Variants in GNPAT observed in about 807,000 individuals in gnomAD.
The protein encoded by GNPAT is dihydroxyacetone phosphate acyltransferase.
GNPAT carries 30 observed loss-of-function variants against 78.4 expected under a neutral mutation model. The ratio of observed to expected loss-of-function variants is 0.38; its 90% CI spans 0.29 to 0.52. The LOEUF (loss-of-function observed/expected upper bound fraction) is 0.52. Among genes scored for constraint, GNPAT ranks in the 20% least tolerant of loss-of-function variants. The pLI is 0.84. For missense variants in GNPAT, 714 were observed against 812.2 expected, an observed-to-expected ratio of 0.88 and a Z score of 1.47; for synonymous variants, 271 against 281.1, an observed-to-expected ratio of 0.96 and a Z score of 0.36.
In GNPAT at chr1:231,265,358, A is replaced by G; in HGVS notation, c.634A>G (p.Thr212Ala). Residue 212 changes from threonine to alanine, a missense_variant, in exon 5 of 16, where the codon ACC becomes GCC. Coordinates refer to ENST00000366647, the MANE Select transcript of GNPAT (RefSeq NM_014236.4). Reference sequence around the variant, plus strand: ...GTCGGGTGCCTTTTTCATGCGGCGTACCTTTGGTGGCAATAAACTCTACTG... The same window carrying G: ...GTCGGGTGCCTTTTTCATGCGGCGTGCCTTTGGTGGCAATAAACTCTACTG... The part of the protein sequence containing the change: ...RMSGAFFMRR[T>A]FGGNKLYWAV... 1 of 1,610,392 alleles carries G rather than the reference A, an allele frequency of 6.2e-7. No individual in the cohort carries two copies. The highest frequency in any genetic ancestry group is 1.1e-5 in the South Asian group (1 of 90,996).
intron 11 of GNPAT, among the ~76,000 whole-genome samples, chr1:231,273,132 G>A (rs1685612998): frequency 6.6e-6 from 1 of 152,152 alleles, no homozygotes; most frequent in Non-Finnish European, 1.5e-5. Context: ...TCGCAGAGCT[G>A]GACTGCTGCT....
At chr1:231,268,371 C>T (rs766479559) in intron 9 of GNPAT, among the ~76,000 whole-genome samples, 2 of 152,126 alleles carry the variant, frequency 1.3e-5, no homozygotes, top group African/African-American at 2.4e-5. Flanking sequence ...GAACACAGCA[C>T]GTTGATTATT....
chr1:231,241,314 C>T lies in GNPAT; in HGVS notation c.-65C>T. ...GCCGTCCTGAGCGAAAGAACCGCCC[C>T]CAGCAGGAGCACCACCACGGCTTAG... On this transcript the variant is annotated 5_prime_UTR_variant, in exon 1 of 16. Coordinates refer to ENST00000366647, the MANE Select transcript of GNPAT (RefSeq NM_014236.4). 6.9e-7 allele frequency: 1 copy of T among 1,458,226 alleles called. No individual in the cohort carries two copies. The highest frequency in any genetic ancestry group is 1.1e-5 in the South Asian group (1 of 88,050). The allele number at this position is 1,458,226 out of a possible 1,614,324, so 90.3% of individuals were successfully genotyped here. A position where few individuals can be genotyped will look rare whatever the true frequency, so the allele number is the denominator to read the frequency against.
chr1:231,255,746 A>G (rs913744237), intron 2 of GNPAT, among the ~76,000 whole-genome samples: 6 of 152,072 alleles, frequency 3.9e-5, no homozygotes, highest in Non-Finnish European at 8.8e-5. Context: ...AAAATTGGCC[A>G]CGTTGTCCAT....
intron 1 of GNPAT, among the ~76,000 whole-genome samples, chr1:231,246,549 CTAAG>C (rs1428656906): frequency 6.6e-5 from 10 of 152,308 alleles, no homozygotes; most frequent in African/African-American, 2.2e-4. Context: ...GCCTGCTCTA[CTAAG>C]TAAGATGGGG....
intron 2 of GNPAT, among the ~76,000 whole-genome samples, chr1:231,254,387 C>T (rs1392783151): frequency 1.3e-5 from 2 of 152,188 alleles, no homozygotes; most frequent in Non-Finnish European, 2.9e-5. Context: ...GAACTTCCAG[C>T]CCTGCCTCCT....
intron 4 of GNPAT, 66 bp downstream of exon 4, chr1:231,262,918 T>C: frequency 1.7e-6 from 2 of 1,195,804 alleles, no homozygotes; most frequent in South Asian, 1.2e-5. Context: ...ATTCTAGCAG[T>C]ACTGAGGTAT....
rs1257009782 is a variant in GNPAT, at chr1:231,275,248, G to C, written c.1771G>C (p.Glu591Gln). The change falls in exon 13 of 16, where the codon GAA (glutamate) becomes CAA (glutamine). Residue 591 changes from glutamate (E) to glutamine (Q), a missense_variant. Transcript: ENST00000366647. ...QIICKYLLSE[E>Q]EDHFSEEQYL... ...AATTTGCAAGTACCTTTTGAGTGAA[G>C]AAGAGGACCACTTCAGTGAGGAACA... The C allele has an allele frequency of 2.5e-6, 4 of 1,610,246 alleles. No individual in the cohort carries two copies. Among genetic ancestry groups the C allele is most frequent in the Non-Finnish European group, 3.4e-6 (4 of 1,176,522 alleles).
chr1:231,272,671 G>A (rs1157864386), intron 11 of GNPAT, among the ~76,000 whole-genome samples: 1 of 152,112 alleles, frequency 6.6e-6, no homozygotes. Flanking sequence ...TTTAGTAAAC[G>A]TTTAAAAATC....
intron 3 of GNPAT, among the ~76,000 whole-genome samples, chr1:231,261,654 A>G (rs1313583060): frequency 1.3e-5 from 2 of 152,174 alleles, no homozygotes; most frequent in African/African-American, 2.4e-5. Flanking sequence ...GTTTTGCATC[A>G]TACTTTACCC....
intron 3 of GNPAT, among the ~76,000 whole-genome samples, chr1:231,262,044 A>G (rs1390559751): frequency 6.6e-6 from 1 of 152,332 alleles, no homozygotes; most frequent in South Asian, 2.1e-4. Flanking sequence ...TTAGATTTCA[A>G]AAAAACAGAT....
In GNPAT at chr1:231,277,593, A is replaced by T; in HGVS notation, c.*51A>T. 9.7e-7 allele frequency: 1 copy of T among 1,029,352 alleles called. No homozygotes were observed. Among genetic ancestry groups the T allele is most frequent in the Non-Finnish European group, 1.5e-6 (1 of 645,694 alleles). 63.8% of individuals were successfully genotyped at this position (1,029,352 alleles called of 1,614,324 possible). A position where few individuals can be genotyped will look rare whatever the true frequency, so the allele number is the denominator to read the frequency against. ...TCGGTCACGTAATTACTCTCATCGA[A>T]GGACTCATTACAACAAACAGGGAAG... On this transcript the variant is annotated 3_prime_UTR_variant, in exon 16 of 16. Transcript: ENST00000366647.
chr1:231,270,709 A>G (rs1397572132), intron 9 of GNPAT, 49 bp from the exon 10 acceptor site: 1 of 1,599,892 alleles, frequency 6.3e-7, no homozygotes, highest in East Asian at 2.2e-5. Flanking sequence ...TAGGCCTAAG[A>G]CTCCCTGCAG....
chr1:231,258,622 ATTT>A (rs748666053), intron 2 of GNPAT, among the ~76,000 whole-genome samples: 322 of 73,700 alleles, frequency 4.4e-3, no homozygotes, highest in African/African-American at 0.018. Context: ...TTTTAATGCA[ATTT>A]TTTTTTTTTT....
intron 1 of GNPAT, among the ~76,000 whole-genome samples, chr1:231,243,878 G>GTA (rs1296733267): frequency 1.3e-5 from 2 of 151,534 alleles, no homozygotes; most frequent in Non-Finnish European, 2.9e-5. Flanking sequence ...GTGTGTGTGT[G>GTA]TATACACATA....
intron 10 of GNPAT, among the ~76,000 whole-genome samples, 189 bp from the exon 11 acceptor site, chr1:231,272,123 T>C (rs1685586085): frequency 6.6e-6 from 1 of 152,122 alleles, no homozygotes; most frequent in Non-Finnish European, 1.5e-5. Flanking sequence ...CAAACTATGC[T>C]AGACCGTAGT....
rs760413359 is a variant in GNPAT, at chr1:231,267,749, T to G, written c.1125T>G (p.Leu375=). 9 of 1,613,376 alleles carry G rather than the reference T, an allele frequency of 5.6e-6. No individual in the cohort carries two copies. In the South Asian group the frequency reaches 9.9e-5, roughly 18 times the overall value. The change falls in exon 9 of 16, where the codon CTT becomes CTG. Residue 375 remains leucine, a synonymous_variant. Transcript: ENST00000366647. ...CTGAAGTTGCCTACAAAATGGAGCT[T>G]CTGCAAATTGAAAACATGGTTTTGA... The part of the protein sequence containing the change: ...FVTEVAYKME[L]LQIENMVLSP...
At chr1:231,256,878 A>G (rs751890647) in intron 2 of GNPAT, among the ~76,000 whole-genome samples, 5 of 152,194 alleles carry the variant, frequency 3.3e-5, no homozygotes, top group Admixed American at 1.3e-4. Context: ...ACAGAATACA[A>G]TAGTAGCCAT....
At chr1:231,262,461 A>G (rs1685247932) in intron 3 of GNPAT, among the ~76,000 whole-genome samples, 1 of 152,238 alleles carries the variant, frequency 6.6e-6, no homozygotes, top group African/African-American at 2.4e-5. Flanking sequence ...TGCCCAACTA[A>G]TATATGTTAG....
Sources: gnomAD v4.1 joint callset for allele counts (sites outside exome capture counted in the v4.1 genomes callset) on GRCh38, gnomAD v4.1.1 for gene constraint, MANE v1.5 for transcripts, NCBI Gene and HGNC (gene_info 2026-07-23, HGNC 2026-07-21) for gene names.